The following SACS variants were observed in gnomAD, a reference collection of about 807,000 sequenced individuals.
SACS encodes sacsin molecular chaperone, also known as sacsin.
Under a neutral mutation model 348.0 loss-of-function variants are expected in SACS, and 197 were observed. The ratio of observed to expected loss-of-function variants is 0.57; its 90% CI spans 0.50 to 0.64. The LOEUF (loss-of-function observed/expected upper bound fraction) is 0.64. Ranked by LOEUF, SACS falls within the 30% of genes least tolerant of loss-of-function variation. The pLI is 0.00. For missense variants in SACS, 4,999 were observed against 5,360.8 expected, an observed-to-expected ratio of 0.93 and a Z score of 2.11; for synonymous variants, 1,985 against 1,910.6, an observed-to-expected ratio of 1.04 and a Z score of -1.02.
At position 23,338,548 on chromosome 13, in the gene SACS, A is replaced by G; in HGVS notation, c.5328T>C (p.Asp1776=). The G allele has an allele frequency of 6.2e-7, 1 of 1,614,176 alleles. No individual in the cohort carries two copies. Among genetic ancestry groups the G allele is most frequent in the East Asian group, 2.2e-5 (1 of 44,882 alleles). ...GACCTCTAAAAAGTGGCGACTGTAA[A>G]TCAGCAATCCTTCTGAACACATGGT... ...EFHHVFRRIA[D]LQSPLFRGPD... The change falls in exon 10 of 10, where the codon GAT becomes GAC. Residue 1776 remains aspartate (D), a synonymous_variant. Transcript: ENST00000382292.
At position 23,336,470 on chromosome 13, in the gene SACS, T is replaced by C. The variant is rs1288769278; in HGVS notation, c.7406A>G (p.Asn2469Ser). The C allele has an allele frequency of 3.7e-6, 6 of 1,613,944 alleles. No individual in the cohort carries two copies. Among genetic ancestry groups the C allele is most frequent in the South Asian group, 1.1e-5 (1 of 91,084 alleles). ...MLLPAKSLCY[N>S]DCPWIKVKDT... ...CTTTACTTTTATCCAAGGGCAATCA[T>C]TGTAGCATAACGATTTAGCAGGGAG... The change falls in exon 10 of 10, where the codon AAT (asparagine) becomes AGT (serine). Residue 2469 changes from asparagine to serine, a missense_variant. This residue lies in a region of SACS where 3,156 missense variants were observed against 3,380.1 expected (regional missense o/e 0.93). Transcript: ENST00000382292.
rs1203077730 is a variant in SACS, at chr13:23,332,429, T to G, written c.11447A>C (p.Glu3816Ala). Residue 3816 changes from glutamate to alanine, a missense_variant, in exon 10 of 10, where the codon GAA becomes GCA. By Grantham distance (107) the Glu-to-Ala change is moderately radical. Transcript: ENST00000382292. The stretch of plus-strand genomic sequence containing the variant: ...ATAAGGTTTAAAATCAGATTCATAT[T>G]CTAGGTTTATGACTACCTCCTCAGG... ...LKPEEVVINL[E>A]YESDFKPYLY... The G allele has an allele frequency of 6.2e-7, 1 of 1,613,882 alleles. No homozygotes were observed. Among genetic ancestry groups the G allele is most frequent in the Non-Finnish European group, 8.5e-7 (1 of 1,179,932 alleles).
rs772611372 is a variant in SACS at position 23,336,729 on chromosome 13, G to A, written c.7147C>T (p.Arg2383Cys). 50 of 1,613,582 alleles carry A rather than the reference G, an allele frequency of 3.1e-5. No homozygotes were observed. The highest frequency in any genetic ancestry group is 1.1e-4 in the African/African-American group (8 of 74,852). ...QLPNKYKNNF[R>C]ELFETVGVRQ... is the part of the protein sequence containing the mutation. ...ACACCCACGGTTTCAAAAAGTTCGCGGAAATTATTTTTATACTTATTAGGC... is the reference window on the plus strand; with the variant it reads ...ACACCCACGGTTTCAAAAAGTTCGCAGAAATTATTTTTATACTTATTAGGC... Residue 2383 changes from arginine to cysteine, a missense_variant, in exon 10 of 10, where the codon CGC becomes TGC. Physicochemically the swap from Arg to Cys is radical, Grantham distance 180. Coordinates refer to ENST00000382292, the MANE Select transcript of SACS (RefSeq NM_014363.6).
chr13:23,411,900 C>A (rs1171997019), intron 1 of SACS, among the ~76,000 whole-genome samples, 160 bp from the exon 2 acceptor site: 3 of 152,248 alleles, frequency 2.0e-5, no homozygotes, highest in Non-Finnish European at 4.4e-5. Context: ...TGCCAAAGAG[C>A]ATGGCATTCG....
intron 6 of SACS, among the ~76,000 whole-genome samples, chr13:23,359,106 C>T (rs568596960): frequency 2.0e-5 from 3 of 152,032 alleles, no homozygotes; most frequent in Admixed American, 6.5e-5. Flanking sequence ...TGCTTGAACC[C>T]GAGAGGCAGA....
At chr13:23,371,702 A>G (rs1178536768) in intron 3 of SACS, among the ~76,000 whole-genome samples, 3 of 152,246 alleles carry the variant, frequency 2.0e-5, no homozygotes, top group Non-Finnish European at 4.4e-5. Context: ...ACACACAAAC[A>G]TATATGCACA....
chr13:23,390,460 G>T (rs1405359047), intron 2 of SACS, among the ~76,000 whole-genome samples: 1 of 152,082 alleles, frequency 6.6e-6, no homozygotes, highest in East Asian at 1.9e-4. Flanking sequence ...AGGAGTCCTA[G>T]ACCAGCCTGG....
Position 23,355,171 on chromosome 13 carries a change from C to G in SACS, c.1441G>C (p.Glu481Gln). 6.2e-7 allele frequency: 1 copy of G among 1,614,174 alleles called. No homozygotes were observed. The highest frequency in any genetic ancestry group is 1.6e-4 in the Middle Eastern group (1 of 6,062). Residue 481 changes from glutamate (E) to glutamine (Q), a missense_variant, in exon 8 of 10, where the codon GAG becomes CAG. Physicochemically the swap from Glu to Gln is conservative, Grantham distance 29. Around this residue, in one of 6 missense-constraint regions of SACS, gnomAD observed 3,156 missense variants for 3,380.1 expected, o/e 0.93. Coordinates refer to ENST00000382292, the MANE Select transcript of SACS (RefSeq NM_014363.6). ...TDNRRSIKWR[E>Q]LDQWRDPAAL... is the part of the protein sequence containing the mutation. ...GCCGGGTCTCTCCACTGGTCCAGCT[C>G]TCTCCATTTTATGCTCCTGCGGTTA...
At chr13:23,349,222 G>C (rs1010030657) in intron 9 of SACS, among the ~76,000 whole-genome samples, 1 of 152,244 alleles carries the variant, frequency 6.6e-6, no homozygotes, top group Non-Finnish European at 1.5e-5. Flanking sequence ...GTAATAGGCA[G>C]TGGAGTAAGA....
chr13:23,350,016 G>A (rs371988286), intron 9 of SACS, among the ~76,000 whole-genome samples: 14 of 152,286 alleles, frequency 9.2e-5, no homozygotes, highest in Middle Eastern at 3.4e-3. Flanking sequence ...ACACTAACAC[G>A]TATTTAGGGA....
At chr13:23,375,327 C>A (rs1593161157) in intron 2 of SACS, 58 bp from the exon 3 acceptor site, 3 of 1,352,984 alleles carry the variant, frequency 2.2e-6, no homozygotes, top group South Asian at 3.9e-5. Flanking sequence ...CCGCCCAGCG[C>A]CCGCGCGGCC....
At position 23,334,043 on chromosome 13, in the gene SACS, C is replaced by T; in HGVS notation, c.9833G>A (p.Trp3278Ter). 3.1e-6 allele frequency: 5 copies of T among 1,613,814 alleles called. No homozygotes were observed. The highest frequency in any genetic ancestry group is 3.4e-6 in the Non-Finnish European group (4 of 1,179,840). The change falls in exon 10 of 10, where the codon TGG becomes TAG. Residue 3278 changes from tryptophan to a stop codon, truncating the protein, a stop_gained. Transcript: ENST00000382292. LOFTEE classifies it high-confidence loss of function. Reference protein sequence around the residue: ...FDIVVDTLKDWALLPGTKFTV... With the variant: ...FDIVVDTLKD ...AAACTTTGTTCCTGGAAGCAATGCC[C>T]AGTCTTTTAGAGTATCAACAACAAT...
At chr13:23,425,503 T>C (rs1316821268) in intron 1 of SACS, among the ~76,000 whole-genome samples, 1 of 152,088 alleles carries the variant, frequency 6.6e-6, no homozygotes, top group African/African-American at 2.4e-5. Flanking sequence ...TGGGGCCTGA[T>C]GTCGTGCTGG....
chr13:23,349,424 T>A (rs996533278), intron 9 of SACS, among the ~76,000 whole-genome samples: 6 of 152,214 alleles, frequency 3.9e-5, no homozygotes, highest in African/African-American at 1.4e-4. Flanking sequence ...TTTGAAATAC[T>A]TATGGGATTC....
intron 2 of SACS, among the ~76,000 whole-genome samples, chr13:23,409,040 C>CTTTTTTTTTTATTTTTTTTTTTTT (rs1873360479): frequency 2.8e-5 from 1 of 35,122 alleles, no homozygotes; most frequent in Non-Finnish European, 4.9e-5. Context: ...ACAAGTTTTA[C>CTTTTTTTTTTATTTTTTTTTTTTT]TTTTTTTTTT....
At chr13:23,359,130 C>T (rs535786771) in intron 6 of SACS, among the ~76,000 whole-genome samples, 30 of 151,876 alleles carry the variant, frequency 2.0e-4, no homozygotes, top group African/African-American at 6.0e-4. Flanking sequence ...TTCAGTGAGC[C>T]GAGATCGCGC....
chr13:23,333,305 A>C lies in SACS; in HGVS notation c.10571T>G (p.Leu3524Ter). ...ACTGTTAGCATCATGGATTATCAATAAACTTTCCAGTTTTTCAAAAAGTTG... is the reference window on the plus strand; with the variant it reads ...ACTGTTAGCATCATGGATTATCAATCAACTTTCCAGTTTTTCAAAAAGTTG... ...KEQLFEKLESLLIIHDANSRL... is the reference protein window; with the variant it reads ...KEQLFEKLES Residue 3524 changes from leucine (L) to a stop codon, truncating the protein, a stop_gained, in exon 10 of 10, where the codon TTA becomes TGA. Coordinates refer to ENST00000382292, the MANE Select transcript of SACS (RefSeq NM_014363.6). LOFTEE classifies it high-confidence loss of function. 1 of 1,605,318 alleles carries C rather than the reference A, an allele frequency of 6.2e-7. No individual in the cohort carries two copies. The highest frequency in any genetic ancestry group is 8.5e-7 in the Non-Finnish European group (1 of 1,177,210).
Position 23,329,361 on chromosome 13 carries a change from C to CAAGTGT in SACS, c.*769_*774dup. The CAAGTGT allele has an allele frequency of 1.4e-6, 1 of 703,654 alleles. No homozygotes were observed. 43.6% of individuals were successfully genotyped at this position (703,654 alleles called of 1,614,324 possible). A position where few individuals can be genotyped will look rare whatever the true frequency, so the allele number is the denominator to read the frequency against. ...AAAATATGTACACACAAACATAAAGCAAGTGTTCTAACAGTTAATAAATGT... is the reference window on the plus strand; with the variant it reads ...AAAATATGTACACACAAACATAAAGCAAGTGTAAGTGTTCTAACAGTTAATAAATGT... On this transcript the variant is annotated 3_prime_UTR_variant, in exon 10 of 10. Coordinates refer to ENST00000382292, the MANE Select transcript of SACS (RefSeq NM_014363.6).
rs190618015 is a variant in SACS at position 23,374,526 on chromosome 13, T to C, written c.171+593A>G. Among the ~76,000 whole-genome samples the C allele has an allele frequency of 1.9e-4, 29 of 152,372 alleles. No individual in the cohort carries two copies. The East Asian group carries it at 5.2e-3, about 27-fold the overall frequency. ...GTCAGTAAAATGTCTTCAACTGAACTCTCCCTTTAAGAAAGCTATAGAATT... is the reference window on the plus strand; with the variant it reads ...GTCAGTAAAATGTCTTCAACTGAACCCTCCCTTTAAGAAAGCTATAGAATT... On this transcript the variant is annotated intron_variant, in intron 3 of 9. Transcript: ENST00000382292.
Sources: allele counts gnomAD v4.1 joint callset (sites outside exome capture counted in the v4.1 genomes callset), GRCh38; gene constraint gnomAD v4.1.1; regional missense constraint gnomAD v4.1.1; transcripts MANE v1.5; gene names NCBI Gene and HGNC (gene_info 2026-07-23, HGNC 2026-07-21).